The following CDK5RAP1 variants were observed in gnomAD, a reference collection of about 807,000 sequenced individuals.
The protein encoded by CDK5RAP1 is CDK5RAP1 mitochondrial tRNA methylthiotransferase.
CDK5RAP1 carries 62 observed loss-of-function variants against 64.5 expected under a neutral mutation model. The ratio of observed to expected loss-of-function variants is 0.96; its 90% CI spans 0.78 to 1.19. The LOEUF is 1.19. Among genes scored for constraint, CDK5RAP1 ranks in the 50% most tolerant of loss-of-function variants. The pLI, the probability that CDK5RAP1 is intolerant of heterozygous loss-of-function variation, is 0.00. For synonymous variants in CDK5RAP1, 250 were observed against 261.9 expected, an observed-to-expected ratio of 0.95 and a Z score of 0.44; for missense variants, 657 against 735.0, an observed-to-expected ratio of 0.89 and a Z score of 1.23.
In CDK5RAP1 at chr20:33,366,925, G is replaced by C; in HGVS notation, c.1476C>G (p.Phe492Leu). The change falls in exon 12 of 14, where the codon TTC becomes TTG. Residue 492 changes from phenylalanine (F) to leucine (L), a missense_variant. Transcript: ENST00000346416. ...GATTGGCTTTTGTTGCTTCTTCTCG[G>C]AAGATAGTGATGAGTTCCTCCAAAC... Reference protein sequence around the residue: ...LRRLEELITIFREEATKANQT... With the variant: ...LRRLEELITILREEATKANQT... 1 of 1,613,892 alleles carries C rather than the reference G, an allele frequency of 6.2e-7. No homozygotes were observed. The highest frequency in any genetic ancestry group is 8.5e-7 in the Non-Finnish European group (1 of 1,179,964).
intron 11 of CDK5RAP1, among the ~76,000 whole-genome samples, chr20:33,369,300 G>A (rs376001357): frequency 1.3e-5 from 2 of 151,792 alleles, no homozygotes; most frequent in African/African-American, 2.4e-5. Context: ...TGGCTAATGC[G>A]GTGAAACCCC....
chr20:33,362,395 A>G (rs1311884520), intron 12 of CDK5RAP1, among the ~76,000 whole-genome samples: 1 of 152,232 alleles, frequency 6.6e-6, no homozygotes, highest in Non-Finnish European at 1.5e-5. Context: ...CGGTGAAAAT[A>G]TATTTTTAAA....
chr20:33,363,813 G>A (rs141249248), intron 12 of CDK5RAP1, among the ~76,000 whole-genome samples: 5 of 152,106 alleles, frequency 3.3e-5, no homozygotes, highest in African/African-American at 9.7e-5. Flanking sequence ...CAGGAGGGTC[G>A]CGTGAGCCCA....
chr20:33,363,668 T>C (rs1983348622), intron 12 of CDK5RAP1, among the ~76,000 whole-genome samples: 1 of 151,882 alleles, frequency 6.6e-6, no homozygotes, highest in Non-Finnish European at 1.5e-5. Flanking sequence ...GAGGCTGAGG[T>C]AGGAGGATTG....
At chr20:33,380,371 T>C (rs1184478616) in intron 7 of CDK5RAP1, among the ~76,000 whole-genome samples, 1 of 151,968 alleles carries the variant, frequency 6.6e-6, no homozygotes. Flanking sequence ...GGGACTACCT[T>C]TTTTTACTTT....
intron 2 of CDK5RAP1, among the ~76,000 whole-genome samples, chr20:33,395,854 A>G (rs1211371149): frequency 6.6e-6 from 1 of 152,092 alleles, no homozygotes; most frequent in Non-Finnish European, 1.5e-5. Context: ...TCTCCACTAA[A>G]AATACAAAAA....
chr20:33,372,935 C>T (rs1217637174), intron 9 of CDK5RAP1: 1 of 280,402 alleles, frequency 3.6e-6, no homozygotes, highest in Non-Finnish European at 6.4e-6. Flanking sequence ...TTTTTTGAGA[C>T]AGAGTCTCGC....
chr20:33,375,700 G>A (rs1290192240), intron 8 of CDK5RAP1, among the ~76,000 whole-genome samples: 1 of 152,082 alleles, frequency 6.6e-6, no homozygotes, highest in African/African-American at 2.4e-5. Context: ...ATACCTCAGA[G>A]ATATCACAGG....
At chr20:33,382,961 A>G (rs2146665145) in intron 7 of CDK5RAP1, among the ~76,000 whole-genome samples, 1 of 152,174 alleles carries the variant, frequency 6.6e-6, no homozygotes, top group Admixed American at 6.6e-5. Flanking sequence ...CGGGTGAATC[A>G]CCTGAGGTCA....
intron 11 of CDK5RAP1, among the ~76,000 whole-genome samples, chr20:33,368,284 C>T (rs1005436905): frequency 6.6e-6 from 1 of 151,914 alleles, no homozygotes; most frequent in Admixed American, 6.6e-5. Flanking sequence ...AACCCATTTC[C>T]CATCCCTAGG....
At chr20:33,394,965 G>GA (rs561729039) in intron 3 of CDK5RAP1, 48 bp downstream of exon 3, 16 of 1,171,748 alleles carry the variant, frequency 1.4e-5, no homozygotes, top group Non-Finnish European at 2.1e-5. Context: ...CACAAATGCA[G>GA]AATCTTGCCC....
At chr20:33,365,261 T>C (rs1001627385) in intron 12 of CDK5RAP1, among the ~76,000 whole-genome samples, 5 of 151,906 alleles carry the variant, frequency 3.3e-5, no homozygotes, top group Non-Finnish European at 5.9e-5. Context: ...CTCTATATGT[T>C]TTTTGTTGTT....
intron 7 of CDK5RAP1, among the ~76,000 whole-genome samples, chr20:33,384,393 G>T (rs964864813): frequency 6.6e-6 from 1 of 152,138 alleles, no homozygotes; most frequent in Admixed American, 6.6e-5. Flanking sequence ...TCTCTATCCT[G>T]AAGGAGTGAG....
intron 8 of CDK5RAP1, among the ~76,000 whole-genome samples, chr20:33,374,787 C>G (rs1016967214): frequency 2.6e-5 from 4 of 151,842 alleles, no homozygotes; most frequent in Non-Finnish European, 4.4e-5. Context: ...ATACTGACCT[C>G]AAGTGATCCG....
rs1988975217 is a variant in CDK5RAP1, at chr20:33,397,065, G to A, written c.-1C>T. The A allele has an allele frequency of 3.1e-6, 5 of 1,595,342 alleles. 1 individual carries two copies. In the South Asian group the frequency reaches 5.6e-5, roughly 18 times the overall value. On this transcript the variant is annotated 5_prime_UTR_variant, in exon 2 of 14. Coordinates refer to ENST00000346416, the MANE Select transcript of CDK5RAP1 (RefSeq NM_016408.4). ...GGAGGACACACTGTAAAGGGTGCAT[G>A]GCACTAAACAGCCCACAGTCTGCAA... is the stretch of plus-strand genomic sequence containing the variant.
At chr20:33,362,716 A>G (rs951117940) in intron 12 of CDK5RAP1, among the ~76,000 whole-genome samples, 11 of 152,238 alleles carry the variant, frequency 7.2e-5, no homozygotes, top group African/African-American at 2.7e-4. Context: ...GGACAGAAGT[A>G]TATCATTACA....
intron 5 of CDK5RAP1, among the ~76,000 whole-genome samples, chr20:33,391,249 TAAAAA>T (rs60730257): frequency 3.7e-5 from 4 of 107,366 alleles, no homozygotes; most frequent in Non-Finnish European, 5.4e-5. Flanking sequence ...ACTCTGTTTT[TAAAAA>T]AAAAAAAAAA....
chr20:33,368,828 G>A (rs1344184336), intron 11 of CDK5RAP1, among the ~76,000 whole-genome samples: 1 of 151,894 alleles, frequency 6.6e-6, no homozygotes, highest in Non-Finnish European at 1.5e-5. Flanking sequence ...CTGAGATCGT[G>A]CCATTGCACT....
intron 6 of CDK5RAP1, among the ~76,000 whole-genome samples, chr20:33,386,066 T>TTTTTG (rs1198842468): frequency 2.0e-5 from 3 of 152,136 alleles, no homozygotes; most frequent in Admixed American, 6.5e-5. Context: ...TTCTACTGTT[T>TTTTTG]TTTTGTTTTG....
Sources: gnomAD v4.1 joint callset for allele counts (sites outside exome capture counted in the v4.1 genomes callset) on GRCh38, gnomAD v4.1.1 for gene constraint, MANE v1.5 for transcripts, NCBI Gene and HGNC (gene_info 2026-07-23, HGNC 2026-07-21) for gene names.